DMD: variants seen among roughly 807,000 people sequenced by gnomAD.
The protein encoded by DMD is dystrophin, also known as mutant dystrophin.
Under a neutral mutation model 330.1 loss-of-function variants are expected in DMD, and 63 were observed. The observed-to-expected ratio is 0.19, with a 90% confidence interval of 0.16 to 0.24. The LOEUF (loss-of-function observed/expected upper bound fraction) is 0.24, where lower values mean the gene tolerates loss of function less well. Among genes scored for constraint, DMD ranks in the 10% least tolerant of loss-of-function variants. DMD has a pLI of 1.00. For synonymous variants in DMD, 1,223 were observed against 959.8 expected (o/e 1.27, Z -5.07); for missense variants, 3,344 against 2,684.1 (o/e 1.25, Z -5.43).
intron 11 of DMD, among the ~76,000 whole-genome samples, chrX:32,640,237 A>T (rs2059364516): frequency 9.2e-6 from 1 of 108,768 alleles, no homozygotes; most frequent in African/African-American, 3.3e-5. Flanking sequence ...ATTTTATAAT[A>T]ATTTTGCATT....
intron 62 of DMD, among the ~76,000 whole-genome samples, chrX:31,263,045 T>C (rs1012513894): frequency 3.5e-5 from 4 of 112,713 alleles, no homozygotes; most frequent in African/African-American, 1.3e-4. Flanking sequence ...CACACACATG[T>C]GTGCCCACAT....
intron 12 of DMD, among the ~76,000 whole-genome samples, chrX:32,599,268 T>A (rs1207988763): frequency 9.0e-6 from 1 of 111,223 alleles, no homozygotes; most frequent in Non-Finnish European, 1.9e-5. Context: ...AGGGTTTACT[T>A]TTACACTGAT....
chrX:31,154,281 GTTTTT>G (rs368158779), intron 74 of DMD, among the ~76,000 whole-genome samples: 1 of 99,413 alleles, frequency 1.0e-5, no homozygotes, highest in Non-Finnish European at 1.9e-5. Flanking sequence ...TTATTCTAAT[GTTTTT>G]TTTTTATTTT....
chrX:32,285,232 T>C (rs1404317228), intron 43 of DMD, among the ~76,000 whole-genome samples: 1 of 111,535 alleles, frequency 9.0e-6, no homozygotes, highest in African/African-American at 3.3e-5. Flanking sequence ...TGGCCTAGAA[T>C]GCTTGGAGAA....
intron 7 of DMD, among the ~76,000 whole-genome samples, chrX:32,789,581 A>C: frequency 8.9e-6 from 1 of 112,221 alleles, no homozygotes; most frequent in Non-Finnish European, 1.9e-5. Context: ...TGTGAGAAAT[A>C]ACACGGACTT....
intron 7 of DMD, among the ~76,000 whole-genome samples, chrX:32,737,941 A>G (rs928063724): frequency 8.9e-6 from 1 of 112,121 alleles, no homozygotes; most frequent in Non-Finnish European, 1.9e-5. Flanking sequence ...GATTTGATAT[A>G]ACAGGAATTT....
intron 63 of DMD, among the ~76,000 whole-genome samples, chrX:31,247,059 T>C (rs919904023): frequency 8.9e-6 from 1 of 112,037 alleles, no homozygotes; most frequent in African/African-American, 3.2e-5. Context: ...CTGTAAGACC[T>C]AGTGTTCAAA....
intron 55 of DMD, among the ~76,000 whole-genome samples, chrX:31,594,311 CAG>C (rs1178821536): frequency 9.1e-6 from 1 of 110,330 alleles, no homozygotes; most frequent in Non-Finnish European, 1.9e-5. Context: ...CAAATTAGCT[CAG>C]AGTTATGTCA....
At chrX:33,047,679 A>C (rs541252134) in intron 1 of DMD, among the ~76,000 whole-genome samples, 1 of 112,413 alleles carries the variant, frequency 8.9e-6, no homozygotes, top group South Asian at 3.6e-4. Flanking sequence ...CAATTACCTG[A>C]AATCATTATC....
At chrX:32,524,614 C>A (rs2046776317) in intron 17 of DMD, among the ~76,000 whole-genome samples, 1 of 112,276 alleles carries the variant, frequency 8.9e-6, no homozygotes, top group African/African-American at 3.2e-5. Flanking sequence ...ACAAAGAAGG[C>A]TTTGTGGAGT....
chrX:31,423,852 C>G (rs1274036030), intron 60 of DMD, among the ~76,000 whole-genome samples: 1 of 111,365 alleles, frequency 9.0e-6, no homozygotes, highest in Non-Finnish European at 1.9e-5. Flanking sequence ...CAATTTGATT[C>G]TCCAGCTTTC....
chrX:33,014,801 C>T (rs185324467), intron 2 of DMD, among the ~76,000 whole-genome samples: 1 of 107,168 alleles, frequency 9.3e-6, no homozygotes, highest in Admixed American at 1.0e-4. Context: ...TACATAATGA[C>T]AAAAATGGGA....
rs150831007 is a variant in DMD at position 31,902,662 on chromosome X, C to T, written c.6912+26934G>A. On this transcript the variant is annotated intron_variant, in intron 47 of 78. Coordinates refer to ENST00000357033, the MANE Select transcript of DMD (RefSeq NM_004006.3). ...ATGTATTGCTGCAAAATGTAACTGA[C>T]GGTTAAACTACAATCATTCAATAAT... 3.4e-4 allele frequency among the ~76,000 whole-genome samples: 38 copies of T among 111,663 alleles called. 1 individual carries two copies. The East Asian group carries it at 9.0e-3, about 26-fold the overall frequency.
chrX:31,151,478 T>C (rs761758686), intron 74 of DMD, among the ~76,000 whole-genome samples: 6 of 112,221 alleles, frequency 5.3e-5, no homozygotes, highest in Non-Finnish European at 7.5e-5. Context: ...GAGACTGCCT[T>C]TTCTAGAGAG....
intron 1 of DMD, among the ~76,000 whole-genome samples, chrX:33,269,596 A>G (rs149598531): frequency 0.018 from 2,041 of 111,680 alleles, 54 homozygotes; most frequent in African/African-American, 0.064. Context: ...TTTAAAGAAA[A>G]CATGCCAGGC....
chrX:31,708,235 G>A (rs908038297), intron 52 of DMD, among the ~76,000 whole-genome samples: 1 of 111,249 alleles, frequency 9.0e-6, no homozygotes. Flanking sequence ...GAGTCTTTTG[G>A]CTCTTGAACT....
chrX:31,353,240 C>T (rs2058514517), intron 60 of DMD, among the ~76,000 whole-genome samples: 1 of 110,711 alleles, frequency 9.0e-6, no homozygotes, highest in Admixed American at 9.8e-5. Context: ...TGTTGAAAGC[C>T]GATGATGCAA....
intron 16 of DMD, among the ~76,000 whole-genome samples, chrX:32,554,394 A>C (rs975200114): frequency 9.0e-5 from 10 of 111,607 alleles, no homozygotes; most frequent in African/African-American, 2.3e-4. Context: ...AAGAAAAGAG[A>C]GAAGAATCAA....
intron 1 of DMD, among the ~76,000 whole-genome samples, chrX:33,256,963 T>C (rs1057275223): frequency 9.0e-6 from 1 of 110,789 alleles, no homozygotes; most frequent in African/African-American, 3.3e-5. Flanking sequence ...GAGTAACACA[T>C]CTTGAACAAT....
Sources: gnomAD v4.1 joint callset for allele counts (sites outside exome capture counted in the v4.1 genomes callset) on GRCh38, gnomAD v4.1.1 for gene constraint, MANE v1.5 for transcripts, NCBI Gene and HGNC (gene_info 2026-07-23, HGNC 2026-07-21) for gene names.